The following SIDT1 variants were observed in gnomAD, a reference collection of about 807,000 sequenced individuals.
SIDT1 encodes SID1 transmembrane family, member 1.
SIDT1 carries 101 observed loss-of-function variants against 107.5 expected under a neutral mutation model. The ratio of observed to expected loss-of-function variants is 0.94; its 90% confidence interval spans 0.80 to 1.11. SIDT1 has a LOEUF of 1.11. SIDT1 is among the 50% of genes least tolerant of loss of function. The pLI, the probability that SIDT1 is intolerant of heterozygous loss-of-function variation, is 0.00. For missense variants in SIDT1, 1,076 were observed against 1,058.2 expected (o/e 1.02, Z -0.23); for synonymous variants, 395 against 398.2 (o/e 0.99, Z 0.10).
intron 10 of SIDT1, among the ~76,000 whole-genome samples, chr3:113,600,252 G>C (rs1944864879): frequency 6.6e-6 from 1 of 152,254 alleles, no homozygotes; most frequent in South Asian, 2.1e-4. Context: ...GGAGGTTGCA[G>C]TGAGCCGAGA....
At chr3:113,549,719 T>A (rs1377746269) in intron 1 of SIDT1, among the ~76,000 whole-genome samples, 2 of 152,348 alleles carry the variant, frequency 1.3e-5, no homozygotes, top group African/African-American at 4.8e-5. Context: ...CTTAGTAGTA[T>A]CTTACACAGA....
chr3:113,632,458 G>C (rs1947100477), downstream of SIDT1, among the ~76,000 whole-genome samples: 2 of 152,168 alleles, frequency 1.3e-5, no homozygotes, highest in Admixed American at 1.3e-4. Flanking sequence ...TACTAGGCAG[G>C]CCTCTTTGAG....
downstream of SIDT1, among the ~76,000 whole-genome samples, chr3:113,633,745 G>A (rs141633287): frequency 3.2e-3 from 492 of 152,302 alleles, 4 homozygotes; most frequent in African/African-American, 0.011. Flanking sequence ...GCAGAAGGCC[G>A]TTTCAGTGTC....
At position 113,629,104 on chromosome 3, in the gene SIDT1, C is replaced by G. The variant is rs1947028512; in HGVS notation, c.*1396C>G. The G allele has an allele frequency of 2.0e-5, 3 of 152,360 alleles. No homozygotes were observed. Among genetic ancestry groups the G allele is most frequent in the South Asian group, 4.1e-4 (2 of 4,826 alleles). 9.4% of individuals were successfully genotyped at this position (152,360 alleles called of 1,614,324 possible). Reference sequence around the variant, plus strand: ...CACCTCTTGCCTCTGCTTTCCTGATCATTCGTTAGAGAAATGGATCAGGCA... The same window carrying G: ...CACCTCTTGCCTCTGCTTTCCTGATGATTCGTTAGAGAAATGGATCAGGCA... On this transcript the variant is annotated 3_prime_UTR_variant, in exon 25 of 25. Coordinates refer to ENST00000264852, the MANE Select transcript of SIDT1 (RefSeq NM_017699.3).
chr3:113,567,570 G>A lies in SIDT1; in HGVS notation c.375G>A (p.Val125=), dbSNP rs1254509730. 1.2e-6 allele frequency: 2 copies of A among 1,613,774 alleles called. No individual in the cohort carries two copies. The highest frequency in any genetic ancestry group is 2.7e-5 in the African/African-American group (2 of 74,890). The change falls in exon 3 of 25, where the codon GTG becomes GTA. Residue 125 remains valine (V), a synonymous_variant. Coordinates refer to ENST00000264852, the MANE Select transcript of SIDT1 (RefSeq NM_017699.3). ...AGAGGAGCTACAACTATCAAGAAGT[G>A]AGCCGCACCTTATGTCCCTCAGAAG... ...LYQRSYNYQE[V]SRTLCPSEAT...
chr3:113,626,354 A>G, intron 24 of SIDT1, 139 bp downstream of exon 24: 1 of 588,178 alleles, frequency 1.7e-6, no homozygotes, highest in Non-Finnish European at 3.0e-6. Context: ...CAATGTACAG[A>G]CCATCTTATT....
intron 10 of SIDT1, among the ~76,000 whole-genome samples, chr3:113,597,509 A>AC (rs1366198175): frequency 6.6e-6 from 1 of 151,684 alleles, no homozygotes; most frequent in African/African-American, 2.4e-5. Context: ...AAAAAAAAAA[A>AC]AAAAAAAAAA....
At chr3:113,615,937 T>C (rs1441548951) in intron 19 of SIDT1, 163 bp from the exon 20 acceptor site, 7 of 654,118 alleles carry the variant, frequency 1.1e-5, no homozygotes, top group African/African-American at 1.8e-5. Context: ...GATACCATTT[T>C]TCAAAGCAAA....
chr3:113,603,361 A>G (rs1945098150), intron 12 of SIDT1, among the ~76,000 whole-genome samples: 1 of 152,178 alleles, frequency 6.6e-6, no homozygotes, highest in African/African-American at 2.4e-5. Flanking sequence ...CACATTAAAG[A>G]GCACAGGGCA....
At chr3:113,578,012 CCTGT>C (rs1465548509) in intron 4 of SIDT1, among the ~76,000 whole-genome samples, 2 of 152,234 alleles carry the variant, frequency 1.3e-5, no homozygotes, top group African/African-American at 4.8e-5. Context: ...TTTTAAACTT[CCTGT>C]CTGTGAAAGT....
downstream of SIDT1, among the ~76,000 whole-genome samples, chr3:113,632,047 G>A (rs1182530752): frequency 2.0e-5 from 3 of 151,928 alleles, no homozygotes; most frequent in Admixed American, 6.6e-5. Flanking sequence ...CACTGGAGAT[G>A]AACAATAGCT....
In SIDT1 at chr3:113,627,894, G is replaced by T; in HGVS notation, c.*186G>T. ...AACCTGCAAGAAAGGAGGCAGAAGG[G>T]GAGCCATGTTTTGAGGACAGACGCA... On this transcript the variant is annotated 3_prime_UTR_variant, in exon 25 of 25. Transcript: ENST00000264852. 1 of 605,710 alleles carries T rather than the reference G, an allele frequency of 1.7e-6. No individual in the cohort carries two copies. The allele number at this position is 605,710 out of a possible 1,614,324, so 37.5% of individuals were successfully genotyped here.
the SIDT1 span, among the ~76,000 whole-genome samples, chr3:113,636,480 G>A: frequency 1.3e-5 from 2 of 152,128 alleles, no homozygotes; most frequent in Non-Finnish European, 2.9e-5. Context: ...AGGTGGGGGG[G>A]ATATAACCTA....
chr3:113,541,091 CAACT>C (rs746702708), intron 1 of SIDT1, among the ~76,000 whole-genome samples: 7 of 150,182 alleles, frequency 4.7e-5, no homozygotes, highest in Non-Finnish European at 4.4e-5. Flanking sequence ...TCCTTCTAAC[CAACT>C]GTCAGTCTTA....
chr3:113,623,024 C>CA (rs113497320), intron 21 of SIDT1, among the ~76,000 whole-genome samples: 1 of 150,960 alleles, frequency 6.6e-6, no homozygotes, highest in African/African-American at 2.4e-5. Flanking sequence ...CCTGCCTCTA[C>CA]AAAAAAAATT....
chr3:113,583,529 G>A (rs1428326675), intron 7 of SIDT1, 33 bp downstream of exon 7: 1 of 1,494,574 alleles, frequency 6.7e-7, no homozygotes, highest in Non-Finnish European at 9.2e-7. Flanking sequence ...TGGCTGCTTA[G>A]CAAAACCTGA....
At chr3:113,607,892 C>T (rs953350523) in intron 15 of SIDT1, among the ~76,000 whole-genome samples, 2 of 152,096 alleles carry the variant, frequency 1.3e-5, no homozygotes, top group Non-Finnish European at 2.9e-5. Context: ...GAAACAGTCA[C>T]GTTGTCACAG....
chr3:113,601,488 C>T (rs1398713059), intron 10 of SIDT1, 100 bp from the exon 11 acceptor site: 16 of 801,016 alleles, frequency 2.0e-5, no homozygotes, highest in African/African-American at 5.2e-5. Flanking sequence ...GAAAATCAAA[C>T]CTAAAATAAT....
intron 24 of SIDT1, among the ~76,000 whole-genome samples, chr3:113,626,705 C>T (rs962339741): frequency 1.3e-5 from 2 of 152,182 alleles, no homozygotes; most frequent in African/African-American, 4.8e-5. Context: ...CAAATCTCTC[C>T]TGTAGTTTCT....
Sources: allele counts gnomAD v4.1 joint callset (sites outside exome capture counted in the v4.1 genomes callset), GRCh38; gene constraint gnomAD v4.1.1; transcripts MANE v1.5; gene names NCBI Gene and HGNC (gene_info 2026-07-23, HGNC 2026-07-21).